The following DEFB112 variants were observed in gnomAD, a reference collection of about 807,000 sequenced individuals.
DEFB112 encodes the protein beta-defensin 112.
A neutral mutation model predicts 1.1 loss-of-function variants in DEFB112; 2 were observed. The observed-to-expected ratio is 1.85, with a 90% confidence interval of 0.76 to 5.83. The LOEUF (loss-of-function observed/expected upper bound fraction) is 5.83. Ranked by LOEUF, DEFB112 falls within the 30% of genes most tolerant of loss-of-function variation. DEFB112 has a pLI of 0.05. For synonymous variants in DEFB112, 40 were observed against 31.2 expected (o/e 1.28, Z -0.93); for missense variants, 120 against 94.4 (o/e 1.27, Z -1.12).
chr6:50,043,897 A>T (rs1230737556), intron 1 of DEFB112, 96 bp from the exon 2 acceptor site: 2 of 1,016,102 alleles, frequency 2.0e-6, no homozygotes, highest in Admixed American at 4.3e-5. Flanking sequence ...AACAGAGGAG[A>T]AATAAAGGAA....
chr6:50,043,718 C>A lies in DEFB112; in HGVS notation c.142G>T (p.Asp48Tyr), dbSNP rs148121698. 1 of 1,613,466 alleles carries A rather than the reference C, an allele frequency of 6.2e-7. No homozygotes were observed. Among genetic ancestry groups the A allele is most frequent in the Non-Finnish European group, 8.5e-7 (1 of 1,179,560 alleles). Residue 48 changes from aspartate to tyrosine, a missense_variant, in exon 2 of 2, where the codon GAT (aspartate) becomes TAT (tyrosine). Coordinates refer to ENST00000651554, the MANE Select transcript of DEFB112 (RefSeq NM_001369057.2). ...CAGTATGAAATCCTAAATTCACTAT[C>A]ATCACATTGATTTTTACATCGACCT... ...IGGRCKNQCD[D>Y]SEFRISYCAR...
Position 50,043,570 on chromosome 6 carries a change from T to A in DEFB112, c.*5A>T. 1 of 1,608,764 alleles carries A rather than the reference T, an allele frequency of 6.2e-7. No homozygotes were observed. The highest frequency in any genetic ancestry group is 8.5e-7 in the Non-Finnish European group (1 of 1,176,010). On this transcript the variant is annotated 3_prime_UTR_variant, in exon 2 of 2. Coordinates refer to ENST00000651554, the MANE Select transcript of DEFB112 (RefSeq NM_001369057.2). ...GATGTATCATCTTCTTGTGCATGGATTTCTTCAATGACGTGAGTCTTTAGG... is the reference window on the plus strand; with the variant it reads ...GATGTATCATCTTCTTGTGCATGGAATTCTTCAATGACGTGAGTCTTTAGG...
At chr6:50,046,433 T>C (rs546759953) in intron 1 of DEFB112, among the ~76,000 whole-genome samples, 1 of 152,160 alleles carries the variant, frequency 6.6e-6, no homozygotes, top group Non-Finnish European at 1.5e-5. Flanking sequence ...CAGGGAGAAT[T>C]TGGCTGCTCT....
intron 1 of DEFB112, among the ~76,000 whole-genome samples, chr6:50,047,872 G>A (rs562690149): frequency 2.0e-5 from 3 of 152,120 alleles, no homozygotes; most frequent in Admixed American, 6.6e-5. Flanking sequence ...TTGGCCAGGC[G>A]TGGTGGCTCA....
rs201794690 is a variant in DEFB112, at chr6:50,043,739, G to A, written c.121C>T (p.Arg41Ter). Reference sequence around the variant, plus strand: ...CTATCATCACATTGATTTTTACATCGACCTCCAATCGCTGTACATGACTTC... The same window carrying A: ...CTATCATCACATTGATTTTTACATCAACCTCCAATCGCTGTACATGACTTC... ...RWKSCTAIGG[R>*]CKNQCDDSEF... Residue 41 changes from arginine to a stop codon, truncating the protein, a stop_gained, in exon 2 of 2, where the codon CGA becomes TGA. Coordinates refer to ENST00000651554, the MANE Select transcript of DEFB112 (RefSeq NM_001369057.2). LOFTEE classifies it low-confidence loss of function (END_TRUNC). 5.0e-4 allele frequency: 813 copies of A among 1,613,302 alleles called. 6 individuals are homozygous for A. The highest frequency in any genetic ancestry group is 3.3e-4 in the Middle Eastern group (2 of 6,060).
Position 50,043,747 on chromosome 6 carries a change from A to ATCGC in DEFB112, c.109_112dup (p.Ile38SerfsTer7). 3 of 1,613,484 alleles carry ATCGC rather than the reference A, an allele frequency of 1.9e-6. No individual in the cohort carries two copies. The highest frequency in any genetic ancestry group is 1.7e-4 in the Middle Eastern group (1 of 6,060). On this transcript the variant is annotated frameshift_variant, in exon 2 of 2. Transcript: ENST00000651554. LOFTEE classifies it low-confidence loss of function (END_TRUNC). The stretch of plus-strand genomic sequence containing the variant: ...ACATTGATTTTTACATCGACCTCCA[A>ATCGC]TCGCTGTACATGACTTCCACCTACT...
At position 50,048,650 on chromosome 6, in the gene DEFB112, A is replaced by G. The variant is rs780395533; in HGVS notation, c.58+1162T>C. 13 of 1,605,652 alleles carry G rather than the reference A, an allele frequency of 8.1e-6. No individual in the cohort carries two copies. The East Asian group carries it at 1.8e-4, about 22-fold the overall frequency. ...TCTACATATGGTTGTCAATAATTTC[A>G]TAAGAGTGCTAAGAGGTTGTTAAGA... On this transcript the variant is annotated intron_variant, in intron 1 of 1. Coordinates refer to ENST00000651554, the MANE Select transcript of DEFB112 (RefSeq NM_001369057.2).
Position 50,043,374 on chromosome 6 carries a change from G to T in DEFB112, c.*201C>A, listed in dbSNP as rs1774776747. 6.6e-6 allele frequency among the ~76,000 whole-genome samples: 1 copy of T among 152,024 alleles called. No homozygotes were observed. The highest frequency in any genetic ancestry group is 1.9e-4 in the East Asian group (1 of 5,184). ...TCTTCTCCACGCTGCTTCTATTCCA[G>T]AGTTCAAATCCCTGCTTTGTATTCT... On this transcript the variant is annotated 3_prime_UTR_variant, in exon 2 of 2. Transcript: ENST00000651554.
intron 1 of DEFB112, among the ~76,000 whole-genome samples, chr6:50,048,168 G>A (rs1774866908): frequency 6.6e-6 from 1 of 151,138 alleles, no homozygotes; most frequent in African/African-American, 2.5e-5. Context: ...AAATAAATAT[G>A]TCCAGCTGTT....
chr6:50,046,161 T>C (rs1426800945), intron 1 of DEFB112, among the ~76,000 whole-genome samples: 2 of 151,682 alleles, frequency 1.3e-5, no homozygotes, highest in African/African-American at 4.8e-5. Context: ...TTTCAATTGA[T>C]GATATTTTCA....
chr6:50,047,911 C>T (rs574486490), intron 1 of DEFB112, among the ~76,000 whole-genome samples: 89 of 152,074 alleles, frequency 5.9e-4, no homozygotes, highest in African/African-American at 2.0e-3. Context: ...TTTGGGAGGC[C>T]GTGGCAGGTA....
intron 1 of DEFB112, among the ~76,000 whole-genome samples, chr6:50,046,221 CTGTGTGTGTGTGTGTGTG>C (rs3057286): frequency 1.4e-5 from 2 of 141,166 alleles, no homozygotes; most frequent in Non-Finnish European, 3.1e-5. Context: ...TTGAGGAGCA[CTGTGTGTGTGTGTGTGTG>C]TGTGTGTGTG....
intron 1 of DEFB112, chr6:50,048,720 A>G (rs963416410): frequency 1.8e-6 from 2 of 1,103,398 alleles, no homozygotes; most frequent in Non-Finnish European, 2.7e-6. Flanking sequence ...AGGAGGAAAA[A>G]TATTTTCAGA....
chr6:50,047,244 G>C (rs1774849980), intron 1 of DEFB112, among the ~76,000 whole-genome samples: 1 of 152,192 alleles, frequency 6.6e-6, no homozygotes, highest in South Asian at 2.1e-4. Flanking sequence ...ATCCGGCCTG[G>C]TGCCAGAGCA....
At chr6:50,048,737 G>A in intron 1 of DEFB112, 1 of 929,984 alleles carries the variant, frequency 1.1e-6, no homozygotes, top group Non-Finnish European at 1.7e-6. Context: ...CAGAAATAAG[G>A]ACACAAATGT....
rs1170169049 is a variant in DEFB112, at chr6:50,042,170, T to C, written c.*1405A>G. Among the ~76,000 whole-genome samples the C allele has an allele frequency of 6.6e-6, 1 of 152,044 alleles. No individual in the cohort carries two copies. The highest frequency in any genetic ancestry group is 1.5e-5 in the Non-Finnish European group (1 of 67,942). On this transcript the variant is annotated 3_prime_UTR_variant, in exon 2 of 2. Coordinates refer to ENST00000651554, the MANE Select transcript of DEFB112 (RefSeq NM_001369057.2). ...GATACATTAAATTATAGTATAGGTA[T>C]ACTGTGAGACCCCTGAAGTGGGGTT...
rs764428698 is a variant in DEFB112, at chr6:50,043,587, G to A, written c.273C>T (p.Asp91=). ...TGCATGGATTTCTTCAATGACGTGA[G>A]TCTTTAGGGTACCATTCTTGAGTCC... The part of the protein sequence containing the change: ...SVGTQEWYPK[D]SRH The change falls in exon 2 of 2, where the codon GAC becomes GAT. Residue 91 remains aspartate (D), a synonymous_variant. Transcript: ENST00000651554. The A allele has an allele frequency of 6.2e-7, 1 of 1,612,796 alleles. No homozygotes were observed. The highest frequency in any genetic ancestry group is 8.5e-7 in the Non-Finnish European group (1 of 1,179,216).
At chr6:50,049,461 GT>G (rs1287111734) in intron 1 of DEFB112, among the ~76,000 whole-genome samples, 1 of 151,932 alleles carries the variant, frequency 6.6e-6, no homozygotes, top group African/African-American at 2.4e-5. Flanking sequence ...AACTTTCCCA[GT>G]TTTTTCTAAT....
At chr6:50,046,667 T>C (rs750488520) in intron 1 of DEFB112, among the ~76,000 whole-genome samples, 3 of 152,178 alleles carry the variant, frequency 2.0e-5, no homozygotes, top group Non-Finnish European at 4.4e-5. Context: ...TAGCATTTTC[T>C]TATTTATTTA....
Sources: gnomAD v4.1 joint callset for allele counts (sites outside exome capture counted in the v4.1 genomes callset) on GRCh38, gnomAD v4.1.1 for gene constraint, MANE v1.5 for transcripts, NCBI Gene and HGNC (gene_info 2026-07-23, HGNC 2026-07-21) for gene names.